SRI: variants seen among roughly 807,000 people sequenced by gnomAD.
SRI encodes 22 kDa protein.
A neutral mutation model predicts 33.3 loss-of-function variants in SRI; 30 were observed. The ratio of observed to expected loss-of-function variants is 0.90; its 90% CI spans 0.67 to 1.22. The LOEUF is 1.22. SRI is among the 50% of genes most tolerant of loss of function. The pLI is 0.00. For synonymous variants in SRI, 75 were observed against 89.9 expected (o/e 0.83, Z 0.94); for missense variants, 243 against 250.8 (o/e 0.97, Z 0.21).
At position 88,218,921 on chromosome 7, in the gene SRI, G is replaced by C. The variant is rs1318101843; in HGVS notation, c.73C>G (p.Pro25Ala). 2.5e-6 allele frequency: 4 copies of C among 1,614,040 alleles called. No homozygotes were observed. The highest frequency in any genetic ancestry group is 3.4e-6 in the Non-Finnish European group (4 of 1,179,958). ...PGGYGGAPGG[P>A]AFPGQTQDPL... Reference sequence around the variant, plus strand: ...TCCTGAGTTTGTCCGGGAAACGCAGGCCCTCCGGGAGCCCCTCCATACTGT... The same window carrying C: ...TCCTGAGTTTGTCCGGGAAACGCAGCCCCTCCGGGAGCCCCTCCATACTGT... Residue 25 changes from proline (P) to alanine (A), a missense_variant, in exon 2 of 8, where the codon CCT becomes GCT. Pro to Ala is a conservative substitution (Grantham distance 27). Transcript: ENST00000265729.
chr7:88,214,983 G>A (rs1328602972), intron 3 of SRI: 3 of 495,598 alleles, frequency 6.1e-6, no homozygotes, highest in East Asian at 6.9e-5. Flanking sequence ...CTTACTGACT[G>A]GAACACAACT....
intron 1 of SRI, among the ~76,000 whole-genome samples, chr7:88,219,772 C>G (rs891581963): frequency 6.6e-6 from 1 of 152,162 alleles, no homozygotes; most frequent in African/African-American, 2.4e-5. Flanking sequence ...GCAGGGCCAT[C>G]CAGGAGAAGG....
At chr7:88,211,114 G>A (rs1487911202) in intron 3 of SRI, among the ~76,000 whole-genome samples, 189 bp from the exon 4 acceptor site, 2 of 152,010 alleles carry the variant, frequency 1.3e-5, no homozygotes, top group Non-Finnish European at 2.9e-5. Flanking sequence ...TTTTTGCTAG[G>A]AACCCAAATT....
chr7:88,208,629 T>G, intron 6 of SRI, 64 bp from the exon 7 acceptor site: 2 of 1,593,492 alleles, frequency 1.3e-6, no homozygotes, highest in Non-Finnish European at 1.7e-6. Context: ...ATCATAAAAG[T>G]TAGTTATTTT....
chr7:88,210,550 C>T, intron 4 of SRI: 1 of 385,548 alleles, frequency 2.6e-6, no homozygotes, highest in Non-Finnish European at 4.8e-6. Flanking sequence ...GTCAGCACTA[C>T]CTAAACTCAG....
chr7:88,223,965 A>G (rs1269939388), upstream of SRI, among the ~76,000 whole-genome samples: 1 of 152,228 alleles, frequency 6.6e-6, no homozygotes, highest in Non-Finnish European at 1.5e-5. Flanking sequence ...GGAGAGAACT[A>G]TGTGAGGTTT....
chr7:88,210,998 T>C, intron 3 of SRI, 73 bp from the exon 4 acceptor site: 2 of 1,159,610 alleles, frequency 1.7e-6, no homozygotes, highest in Non-Finnish European at 2.6e-6. Flanking sequence ...TACATTCAAA[T>C]TAATTAGAAA....
chr7:88,223,265 C>T (rs76171277), upstream of SRI, among the ~76,000 whole-genome samples: 1,235 of 152,242 alleles, frequency 8.1e-3, 24 homozygotes, highest in South Asian at 0.032. Context: ...AGATCCTCAT[C>T]GCATTTTACT....
rs967916170 is a variant in SRI at position 88,209,406 on chromosome 7, G to A, written c.444C>T (p.Tyr148=). ...CGAAGGTGATCTTTCCATTGGTGCT[G>A]TATCGTTTTGCAATTGAATTCACAG... ...PQAVNSIAKR[Y]STNGKITFDD... The change falls in exon 6 of 8, where the codon TAC becomes TAT. Residue 148 remains tyrosine, a synonymous_variant. Transcript: ENST00000265729. The A allele has an allele frequency of 4.6e-5, 74 of 1,614,072 alleles. No individual in the cohort carries two copies. Among genetic ancestry groups the A allele is most frequent in the Non-Finnish European group, 5.9e-5 (70 of 1,179,950 alleles).
upstream of SRI, chr7:88,220,041 C>G: frequency 1.3e-6 from 2 of 1,523,724 alleles, no homozygotes; most frequent in African/African-American, 1.4e-5. Context: ...CAGACTGCGC[C>G]GCAGCCGCCC....
intron 6 of SRI, 144 bp downstream of exon 6, chr7:88,209,195 C>T: frequency 1.9e-6 from 1 of 538,212 alleles, no homozygotes; most frequent in Non-Finnish European, 3.2e-6. Context: ...ATTATTTTGC[C>T]AGATATGCTT....
chr7:88,209,268 G>A (rs1851508749), intron 6 of SRI, 71 bp downstream of exon 6: 4 of 1,265,238 alleles, frequency 3.2e-6, no homozygotes, highest in Non-Finnish European at 4.5e-6. Flanking sequence ...AAGTTGAGAA[G>A]CACTGAGAGA....
chr7:88,212,401 A>T (rs962929347), intron 3 of SRI, among the ~76,000 whole-genome samples: 8 of 152,198 alleles, frequency 5.3e-5, no homozygotes, highest in African/African-American at 1.9e-4. Context: ...GTGTGGAGGT[A>T]TGAAGTCCCT....
chr7:88,206,647 A>G, intron 7 of SRI, 143 bp from the exon 8 acceptor site: 1 of 852,542 alleles, frequency 1.2e-6, no homozygotes, highest in Non-Finnish European at 1.8e-6. Context: ...TAAATGATAG[A>G]TGGAAAAGTT....
At chr7:88,220,054 G>C, upstream of SRI, 2 of 1,515,608 alleles carry the variant, frequency 1.3e-6, no homozygotes, top group South Asian at 2.4e-5. Context: ...AGCCGCCCTC[G>C]CCCTGTGCGC....
chr7:88,206,213 G>C lies in SRI; in HGVS notation c.*265C>G. On this transcript the variant is annotated 3_prime_UTR_variant, in exon 8 of 8. Coordinates refer to ENST00000265729, the MANE Select transcript of SRI (RefSeq NM_003130.4). ...CATTTTGCATACTTAAATTTACATA[G>C]AGTTTTAGCAAGAAAATAAGGCATG... The C allele has an allele frequency of 2.0e-6, 1 of 510,076 alleles. No individual in the cohort carries two copies. Among genetic ancestry groups the C allele is most frequent in the Non-Finnish European group, 3.5e-6 (1 of 284,310 alleles). 31.6% of individuals were successfully genotyped at this position (510,076 alleles called of 1,614,324 possible).
intron 3 of SRI, among the ~76,000 whole-genome samples, chr7:88,214,637 A>C (rs1270765316): frequency 6.6e-6 from 1 of 151,022 alleles, no homozygotes; most frequent in Non-Finnish European, 1.5e-5. Context: ...TTTAAAATTA[A>C]TTAAAATTAT....
At chr7:88,220,237 T>C (rs926036712), upstream of SRI, among the ~76,000 whole-genome samples, 1 of 152,240 alleles carries the variant, frequency 6.6e-6, no homozygotes, top group Non-Finnish European at 1.5e-5. Flanking sequence ...ACGGCGCTAA[T>C]GCAGTGCACG....
At chr7:88,226,814 A>G in intron 1 of SRI, 1 of 1,372,560 alleles carries the variant, frequency 7.3e-7, no homozygotes, top group Non-Finnish European at 1.0e-6. Flanking sequence ...CAGTAGAACT[A>G]CAAAGATTAG....
Sources: allele counts gnomAD v4.1 joint callset (sites outside exome capture counted in the v4.1 genomes callset), GRCh38; gene constraint gnomAD v4.1.1; transcripts MANE v1.5; gene names NCBI Gene and HGNC (gene_info 2026-07-23, HGNC 2026-07-21).